Variants in LARGE1 observed in about 807,000 individuals in gnomAD.
LARGE1 encodes the protein xylosyl- and glucuronyltransferase LARGE1.
LARGE1 carries 43 observed loss-of-function variants against 87.6 expected under a neutral mutation model. That is an observed-to-expected ratio of 0.49 (90% CI 0.38 to 0.63). LARGE1 has a LOEUF of 0.63. Among genes scored for constraint, LARGE1 ranks in the 30% least tolerant of loss-of-function variants. LARGE1 has a pLI of 0.00. For missense variants in LARGE1, 802 were observed against 1,000.2 expected (o/e 0.80, Z 2.67); for synonymous variants, 434 against 394.6 (o/e 1.10, Z -1.18).
At chr22:33,522,166 T>A (rs773562214) in intron 6 of LARGE1, among the ~76,000 whole-genome samples, 1 of 152,180 alleles carries the variant, frequency 6.6e-6, no homozygotes, top group Admixed American at 6.5e-5. Context: ...AACATGAGAT[T>A]TGGAGGTGAT....
intron 7 of LARGE1, among the ~76,000 whole-genome samples, chr22:33,427,146 C>T (rs1305703623): frequency 1.3e-5 from 2 of 152,216 alleles, no homozygotes; most frequent in Non-Finnish European, 2.9e-5. Context: ...TTTTCTAAGT[C>T]CTGCTCACAG....
chr22:33,099,479 T>C, the LARGE1 span, among the ~76,000 whole-genome samples: 117,800 of 152,052 alleles, frequency 0.77, 46,297 homozygotes, highest in East Asian at 0.98. Flanking sequence ...CTCAAACTCC[T>C]GACCTCAGGT....
intron 2 of LARGE1, among the ~76,000 whole-genome samples, chr22:33,715,941 C>G (rs1242559952): frequency 1.3e-5 from 2 of 152,170 alleles, no homozygotes; most frequent in Non-Finnish European, 2.9e-5. Flanking sequence ...ACAAACCATC[C>G]ACAAGTTTAT....
chr22:33,390,089 A>G (rs1257728519), intron 7 of LARGE1, among the ~76,000 whole-genome samples: 1 of 152,194 alleles, frequency 6.6e-6, no homozygotes, highest in African/African-American at 2.4e-5. Context: ...GCACTCTGCC[A>G]TAAAACAACC....
In LARGE1 at chr22:33,210,704, G is replaced by A. The variant is rs919646732; in HGVS notation, c.1731-43872C>T. 1.1e-4 allele frequency among the ~76,000 whole-genome samples: 16 copies of A among 152,366 alleles called. No homozygotes were observed. The South Asian group carries it at 3.1e-3, about 30-fold the overall frequency. On this transcript the variant is annotated intron_variant, in intron 11 of 11. Transcript: ENST00000608642. The stretch of plus-strand genomic sequence containing the variant: ...CTGTTGCCATAGAGAAGCACTGGGC[G>A]CTCACACGCACACGGGCTCACCTGG...
At chr22:33,777,557 C>A (rs1028852019) in intron 1 of LARGE1, among the ~76,000 whole-genome samples, 1 of 150,340 alleles carries the variant, frequency 6.7e-6, no homozygotes, top group African/African-American at 2.4e-5. Context: ...GTGGAAGGAT[C>A]TCTTGAGCCC....
chr22:33,437,320 G>A (rs1466566581), intron 6 of LARGE1, among the ~76,000 whole-genome samples: 1 of 152,166 alleles, frequency 6.6e-6, no homozygotes, highest in Non-Finnish European at 1.5e-5. Flanking sequence ...GTAAAGTGGT[G>A]AAGAAAATGA....
At chr22:33,617,710 C>T (rs1040937007) in intron 4 of LARGE1, among the ~76,000 whole-genome samples, 2 of 152,186 alleles carry the variant, frequency 1.3e-5, no homozygotes, top group African/African-American at 4.8e-5. Flanking sequence ...CATATTGCTG[C>T]AGACATCAAG....
chr22:33,234,402 T>C (rs1361446107), intron 11 of LARGE1, among the ~76,000 whole-genome samples: 5 of 152,240 alleles, frequency 3.3e-5, no homozygotes, highest in Non-Finnish European at 5.9e-5. Flanking sequence ...TGTTTGGTGA[T>C]GAGCATTAAT....
intron 10 of LARGE1, among the ~76,000 whole-genome samples, chr22:33,332,500 G>A (rs1937857498): frequency 6.6e-6 from 1 of 152,156 alleles, no homozygotes; most frequent in African/African-American, 2.4e-5. Context: ...GATGAAAGGA[G>A]TCTTAAGTCA....
chr22:33,416,906 C>CTTTTGTTTTTTTTTTT (rs2066514574), intron 7 of LARGE1, among the ~76,000 whole-genome samples: 1 of 90,174 alleles, frequency 1.1e-5, no homozygotes. Context: ...CACGCCCGGA[C>CTTTTGTTTTTTTTTTT]TTTTTTTTTT....
chr22:33,195,190 C>A (rs1277678030), intron 11 of LARGE1, among the ~76,000 whole-genome samples: 1 of 152,104 alleles, frequency 6.6e-6, no homozygotes, highest in Non-Finnish European at 1.5e-5. Context: ...CAAACAGATG[C>A]TCTTAAATAT....
chr22:33,517,999 C>T (rs111349986), intron 6 of LARGE1, among the ~76,000 whole-genome samples: 15 of 152,208 alleles, frequency 9.9e-5, no homozygotes, highest in African/African-American at 3.1e-4. Flanking sequence ...TTAGATCACT[C>T]CAACTCCTAC....
At position 33,438,500 on chromosome 22, in the gene LARGE1, G is replaced by C. The variant is rs527783727; in HGVS notation, c.788-6235C>G. Reference sequence around the variant, plus strand: ...ATTCATACATCACTACTAACAGTCAGACAAGAGCGAACAAGCTTGCTTTTC... The same window carrying C: ...ATTCATACATCACTACTAACAGTCACACAAGAGCGAACAAGCTTGCTTTTC... On this transcript the variant is annotated intron_variant, in intron 6 of 14. Coordinates refer to ENST00000397394, the MANE Select transcript of LARGE1 (RefSeq NM_133642.5). Among the ~76,000 whole-genome samples, 5 of 152,342 alleles carry C rather than the reference G, an allele frequency of 3.3e-5. No homozygotes were observed. In the East Asian group the frequency reaches 7.7e-4, roughly 24 times the overall value.
At chr22:33,255,216 G>T (rs971812450) in intron 11 of LARGE1, among the ~76,000 whole-genome samples, 1 of 152,210 alleles carries the variant, frequency 6.6e-6, no homozygotes, top group African/African-American at 2.4e-5. Context: ...GGGAATACAG[G>T]CGTGAGCCAC....
chr22:33,439,116 A>C (rs751659863), intron 6 of LARGE1, among the ~76,000 whole-genome samples: 1 of 151,932 alleles, frequency 6.6e-6, no homozygotes, highest in African/African-American at 2.4e-5. Flanking sequence ...TGGGAGGCTA[A>C]GGCATGAGAA....
chr22:33,465,650 T>C (rs970111809), intron 6 of LARGE1, among the ~76,000 whole-genome samples: 2 of 152,184 alleles, frequency 1.3e-5, no homozygotes, highest in Admixed American at 1.3e-4. Context: ...ACGTCCATCT[T>C]CCTGTTTTGA....
At chr22:33,441,978 CCCT>C (rs2147829658) in intron 6 of LARGE1, among the ~76,000 whole-genome samples, 1 of 152,272 alleles carries the variant, frequency 6.6e-6, no homozygotes, top group East Asian at 1.9e-4. Context: ...CATCACTCAG[CCCT>C]CCTTTCACTT....
chr22:33,897,575 T>C (rs1047313462), intron 1 of LARGE1, among the ~76,000 whole-genome samples: 1 of 152,044 alleles, frequency 6.6e-6, no homozygotes, highest in African/African-American at 2.4e-5. Context: ...GCTCAGCCAG[T>C]GAAGGTGAAA....
Sources: allele counts gnomAD v4.1 joint callset (sites outside exome capture counted in the v4.1 genomes callset), GRCh38; gene constraint gnomAD v4.1.1; transcripts MANE v1.5; gene names NCBI Gene and HGNC (gene_info 2026-07-23, HGNC 2026-07-21).